Variants in LSAMP observed in about 807,000 individuals in gnomAD.
LSAMP encodes limbic system associated membrane protein.
In LSAMP, 7 loss-of-function variants were observed where a neutral mutation model predicts 38.6. The ratio of observed to expected loss-of-function variants is 0.18; its 90% CI spans 0.10 to 0.34. LSAMP has a LOEUF of 0.34. Ranked by LOEUF, LSAMP falls within the 10% of genes least tolerant of loss-of-function variation. LSAMP has a pLI of 1.00. For synonymous variants in LSAMP, 154 were observed against 166.8 expected, an observed-to-expected ratio of 0.92 and a Z score of 0.59; for missense variants, 313 against 420.0, an observed-to-expected ratio of 0.75 and a Z score of 2.23.
intron 1 of LSAMP, among the ~76,000 whole-genome samples, chr3:116,352,736 T>C (rs35841859): frequency 0.093 from 14,199 of 152,130 alleles, 744 homozygotes; most frequent in Middle Eastern, 0.14. Flanking sequence ...TTATAAAATA[T>C]ATCAATCACT....
intron 1 of LSAMP, among the ~76,000 whole-genome samples, chr3:116,133,239 T>C (rs1709173568): frequency 6.6e-6 from 1 of 152,078 alleles, no homozygotes; most frequent in Non-Finnish European, 1.5e-5. Flanking sequence ...TTTCCACATT[T>C]ACTTTTTTTT....
Position 115,871,639 on chromosome 3 carries a change from CAAAGAG to C in LSAMP, c.515-19028_515-19023del, listed in dbSNP as rs1270743944. ...TGTGTAAGAGAGACAGACAGAGAGA[CAAAGAG>C]AGAGAGGCAGAGAGATAGAGGGCTT... On this transcript the variant is annotated intron_variant, in intron 3 of 6. Coordinates refer to ENST00000490035, the MANE Select transcript of LSAMP (RefSeq NM_002338.5). Among the ~76,000 whole-genome samples, 344 of 149,510 alleles carry C rather than the reference CAAAGAG, an allele frequency of 2.3e-3. 3 individuals are homozygous for C. The highest frequency in any genetic ancestry group is 8.1e-3 in the African/African-American group (329 of 40,652).
intron 1 of LSAMP, among the ~76,000 whole-genome samples, chr3:116,376,576 ATCTG>A (rs1311499596): frequency 6.6e-6 from 1 of 152,036 alleles, no homozygotes; most frequent in Non-Finnish European, 1.5e-5. Flanking sequence ...TGTACTATTA[ATCTG>A]TCTGTAAGCA....
At chr3:116,145,283 TCCAGAGAA>T (rs961539096) in intron 1 of LSAMP, among the ~76,000 whole-genome samples, 3 of 151,924 alleles carry the variant, frequency 2.0e-5, no homozygotes, top group African/African-American at 7.2e-5. Context: ...GTCACAGTTT[TCCAGAGAA>T]CCAGAGAACC....
intron 1 of LSAMP, among the ~76,000 whole-genome samples, chr3:116,155,364 A>G (rs1437530269): frequency 1.3e-5 from 2 of 151,930 alleles, no homozygotes; most frequent in African/African-American, 2.4e-5. Context: ...AGTTGGGGTT[A>G]CAGGCGCCCA....
intron 4 of LSAMP, among the ~76,000 whole-genome samples, chr3:115,843,497 T>G (rs1367882171): frequency 6.6e-6 from 1 of 152,218 alleles, no homozygotes; most frequent in Non-Finnish European, 1.5e-5. Flanking sequence ...AGAAGGCCTT[T>G]CCTGTCCAAA....
chr3:116,308,605 CA>C (rs5852007), intron 1 of LSAMP, among the ~76,000 whole-genome samples: 150,205 of 152,098 alleles, frequency 0.99, 74,208 homozygotes, highest in Middle Eastern at 1. Context: ...TCCAAATTCT[CA>C]AGATTTCTAT....
chr3:116,422,921 C>A (rs2049147245), intron 1 of LSAMP, among the ~76,000 whole-genome samples: 1 of 152,044 alleles, frequency 6.6e-6, no homozygotes, highest in African/African-American at 2.4e-5. Flanking sequence ...TACCATTTAC[C>A]ACAAGCTGTA....
chr3:116,112,479 T>A (rs1211059934), intron 1 of LSAMP, among the ~76,000 whole-genome samples: 1 of 152,172 alleles, frequency 6.6e-6, no homozygotes, highest in Non-Finnish European at 1.5e-5. Context: ...AAATGATCTA[T>A]AAATTAGTAT....
At chr3:116,170,587 A>G (rs888395328) in intron 1 of LSAMP, among the ~76,000 whole-genome samples, 3 of 152,170 alleles carry the variant, frequency 2.0e-5, no homozygotes, top group African/African-American at 7.2e-5. Context: ...TTGCTATACG[A>G]TTGTGGCGAA....
chr3:115,827,787 C>T (rs1289541304), intron 6 of LSAMP, among the ~76,000 whole-genome samples: 3 of 152,112 alleles, frequency 2.0e-5, no homozygotes, highest in Admixed American at 2.0e-4. Flanking sequence ...CATCTCAGTA[C>T]ATAGGAACAC....
At chr3:116,392,737 A>G (rs1162368592) in intron 1 of LSAMP, among the ~76,000 whole-genome samples, 2 of 152,202 alleles carry the variant, frequency 1.3e-5, no homozygotes, top group African/African-American at 2.4e-5. Context: ...GGGCCTGCCC[A>G]TGGTCACCCA....
intron 1 of LSAMP, among the ~76,000 whole-genome samples, chr3:116,233,412 C>CAAAAAAAA (rs3028677): frequency 2.9e-5 from 2 of 70,044 alleles, no homozygotes; most frequent in Non-Finnish European, 4.8e-5. Flanking sequence ...GACTCTGTCT[C>CAAAAAAAA]AAAAAAAAAA....
chr3:115,926,186 C>T (rs1284307928), intron 3 of LSAMP, among the ~76,000 whole-genome samples: 4 of 152,046 alleles, frequency 2.6e-5, no homozygotes, highest in Admixed American at 1.3e-4. Flanking sequence ...ATTCTGGGCA[C>T]GGCACTTAAA....
chr3:116,109,269 A>G (rs1708541841), intron 1 of LSAMP, among the ~76,000 whole-genome samples: 1 of 152,184 alleles, frequency 6.6e-6, no homozygotes, highest in Non-Finnish European at 1.5e-5. Flanking sequence ...ACGAAACTGT[A>G]AGCCGGACCA....
intron 4 of LSAMP, among the ~76,000 whole-genome samples, chr3:115,849,202 C>A (rs75766536): frequency 1.3e-5 from 2 of 152,186 alleles, no homozygotes; most frequent in African/African-American, 2.4e-5. Flanking sequence ...AATATTTTAG[C>A]TTTCCGTAAA....
chr3:116,238,934 C>G (rs1559795128), intron 1 of LSAMP, among the ~76,000 whole-genome samples: 1 of 151,982 alleles, frequency 6.6e-6, no homozygotes, highest in Non-Finnish European at 1.5e-5. Flanking sequence ...TTCCCCTCAC[C>G]CCATGTATCA....
chr3:116,152,672 T>C (rs1459681381), intron 1 of LSAMP, among the ~76,000 whole-genome samples: 3 of 152,128 alleles, frequency 2.0e-5, no homozygotes, highest in African/African-American at 7.2e-5. Context: ...GATGTTTTTA[T>C]GCAGATTAAA....
intron 1 of LSAMP, among the ~76,000 whole-genome samples, chr3:116,104,926 T>G (rs1422086233): frequency 6.6e-6 from 1 of 152,188 alleles, no homozygotes; most frequent in African/African-American, 2.4e-5. Flanking sequence ...CCTGTCATCC[T>G]CATAAAACAT....
Sources: allele counts gnomAD v4.1 joint callset (sites outside exome capture counted in the v4.1 genomes callset), GRCh38; gene constraint gnomAD v4.1.1; transcripts MANE v1.5; gene names NCBI Gene and HGNC (gene_info 2026-07-23, HGNC 2026-07-21).